EML5: variants seen among roughly 807,000 people sequenced by gnomAD.
EML5 encodes the protein EMAP like 5.
Under a neutral mutation model 250.0 loss-of-function variants are expected in EML5, and 120 were observed. The ratio of observed to expected loss-of-function variants is 0.48; its 90% CI spans 0.41 to 0.56. EML5 has a LOEUF of 0.56. Ranked by LOEUF, EML5 falls within the 20% of genes least tolerant of loss-of-function variation. The pLI is 0.00. For synonymous variants in EML5, 771 were observed against 806.5 expected (o/e 0.96, Z 0.75); for missense variants, 2,006 against 2,437.6 (o/e 0.82, Z 3.73).
intron 1 of EML5, among the ~76,000 whole-genome samples, chr14:88,786,093 G>C (rs1198869506): frequency 6.6e-6 from 1 of 152,104 alleles, no homozygotes; most frequent in Non-Finnish European, 1.5e-5. Context: ...CAGGGCATTT[G>C]CATTTGATAG....
At chr14:88,723,606 C>T (rs1363233936) in intron 8 of EML5, among the ~76,000 whole-genome samples, 1 of 151,954 alleles carries the variant, frequency 6.6e-6, no homozygotes, top group Non-Finnish European at 1.5e-5. Context: ...ATGTTCTCAC[C>T]CCCTAAAGTG....
intron 2 of EML5, among the ~76,000 whole-genome samples, chr14:88,751,787 G>T (rs974618885): frequency 6.6e-6 from 1 of 152,136 alleles, no homozygotes; most frequent in Non-Finnish European, 1.5e-5. Flanking sequence ...AATAATCAGA[G>T]AGGGAGAAAG....
chr14:88,744,062 C>A lies in EML5; in HGVS notation c.486G>T (p.Gln162His). ...RIFDISWDLY[Q>H]PNKLVSCGVK... Reference sequence around the variant, plus strand: ...CACCACAGCTGACAAGTTTATTTGGCTGGTACAAATCCCAAGAAATATCAA... The same window carrying A: ...CACCACAGCTGACAAGTTTATTTGGATGGTACAAATCCCAAGAAATATCAA... Residue 162 changes from glutamine to histidine, a missense_variant, in exon 4 of 44, where the codon CAG (glutamine) becomes CAT (histidine). Around this residue, in one of 7 missense-constraint regions of EML5, gnomAD observed 162 missense variants for 212.2 expected, o/e 0.76. Coordinates refer to ENST00000554922, the MANE Select transcript of EML5 (RefSeq NM_183387.3). 6.4e-7 allele frequency: 1 copy of A among 1,574,762 alleles called. No individual in the cohort carries two copies. Among genetic ancestry groups the A allele is most frequent in the East Asian group, 2.3e-5 (1 of 43,978 alleles).
chr14:88,669,651 G>T (rs975724312), intron 21 of EML5, among the ~76,000 whole-genome samples: 2 of 152,172 alleles, frequency 1.3e-5, no homozygotes, highest in African/African-American at 4.8e-5. Flanking sequence ...AGCAGACTTA[G>T]TCTTTCCCTC....
intron 18 of EML5, among the ~76,000 whole-genome samples, chr14:88,687,585 G>A (rs1326749604): frequency 6.6e-6 from 1 of 151,998 alleles, no homozygotes; most frequent in Non-Finnish European, 1.5e-5. Flanking sequence ...GTAACTATAA[G>A]TTAGATCACC....
chr14:88,705,779 C>T, intron 11 of EML5, 191 bp from the exon 12 acceptor site: 2 of 668,726 alleles, frequency 3.0e-6, no homozygotes, highest in African/African-American at 3.5e-5. Flanking sequence ...TCTCCACTCA[C>T]TGCAAACTCA....
rs906449196 is a variant in EML5 at position 88,675,373 on chromosome 14, C to A, written c.3124+6517G>T. 7.2e-4 allele frequency among the ~76,000 whole-genome samples: 109 copies of A among 152,234 alleles called. 2 individuals carry two copies. Among genetic ancestry groups the A allele is most frequent in the Non-Finnish European group, 2.1e-4 (14 of 68,036 alleles). On this transcript the variant is annotated intron_variant, in intron 21 of 43. Transcript: ENST00000554922. ...TTCTTGACTTCTGTGCACCTGCAGG[C>A]TCAACACCACATGGAAGCTGCCAAG...
At chr14:88,783,799 T>G (rs1188016136) in intron 1 of EML5, among the ~76,000 whole-genome samples, 1 of 152,226 alleles carries the variant, frequency 6.6e-6, no homozygotes, top group Admixed American at 6.5e-5. Flanking sequence ...ATGTGCACTA[T>G]AGACCAAATG....
At chr14:88,650,960 C>A (rs1444905765) in intron 27 of EML5, among the ~76,000 whole-genome samples, 1 of 152,002 alleles carries the variant, frequency 6.6e-6, no homozygotes, top group Non-Finnish European at 1.5e-5. Context: ...ATATAAAGTG[C>A]TTTATTTCAT....
chr14:88,736,003 C>CTT (rs11321542), intron 7 of EML5, among the ~76,000 whole-genome samples: 151 of 122,144 alleles, frequency 1.2e-3, no homozygotes, highest in African/African-American at 4.8e-3. Flanking sequence ...TTTTTTCTTT[C>CTT]TTTTTTTTTT....
intron 22 of EML5, among the ~76,000 whole-genome samples, chr14:88,665,064 T>A (rs1455431698): frequency 1.3e-5 from 2 of 152,108 alleles, no homozygotes; most frequent in Non-Finnish European, 2.9e-5. Context: ...ACGAAAACAG[T>A]TATCCAACCC....
rs2087066325 is a variant in EML5 at position 88,613,148 on chromosome 14, G to T, written c.*2670C>A. 1 of 152,194 alleles carries T rather than the reference G, an allele frequency of 6.6e-6. No homozygotes were observed. Among genetic ancestry groups the T allele is most frequent in the African/African-American group, 2.4e-5 (1 of 41,432 alleles). 9.4% of individuals were successfully genotyped at this position (152,194 alleles called of 1,614,324 possible). ...AATTAACCAGTCATTAAACCATTTG[G>T]TAAGTTGCACTTTGCTGTGCTGATC... On this transcript the variant is annotated 3_prime_UTR_variant, in exon 44 of 44. Coordinates refer to ENST00000554922, the MANE Select transcript of EML5 (RefSeq NM_183387.3).
chr14:88,782,966 C>A (rs1167671155), intron 1 of EML5, among the ~76,000 whole-genome samples: 1 of 152,190 alleles, frequency 6.6e-6, no homozygotes, highest in Middle Eastern at 3.4e-3. Flanking sequence ...GTAGTCCCAG[C>A]TACTCAGGAG....
At chr14:88,726,729 G>A (rs2140087450) in intron 7 of EML5, 51 bp from the exon 8 acceptor site, 1 of 1,348,004 alleles carries the variant, frequency 7.4e-7, no homozygotes, top group Non-Finnish European at 9.9e-7. Context: ...GCATACTTTA[G>A]TAAAAATATT....
chr14:88,628,933 TATA>T (rs1181583799), intron 33 of EML5, among the ~76,000 whole-genome samples: 2 of 152,050 alleles, frequency 1.3e-5, no homozygotes, highest in Non-Finnish European at 2.9e-5. Flanking sequence ...AAGTTTATCA[TATA>T]ATAAAATAGG....
intron 1 of EML5, among the ~76,000 whole-genome samples, chr14:88,764,927 CCT>C (rs2094300730): frequency 6.6e-6 from 1 of 152,058 alleles, no homozygotes; most frequent in Non-Finnish European, 1.5e-5. Context: ...TAATATATAG[CCT>C]ATTTTGGTAA....
chr14:88,757,125 T>C (rs868309938), intron 1 of EML5, among the ~76,000 whole-genome samples: 1 of 152,158 alleles, frequency 6.6e-6, no homozygotes, highest in African/African-American at 2.4e-5. Flanking sequence ...CATAAGGATA[T>C]GCAGATCAAT....
At chr14:88,719,673 CTTT>C (rs1226681790) in intron 8 of EML5, among the ~76,000 whole-genome samples, 1 of 144,372 alleles carries the variant, frequency 6.9e-6, no homozygotes, top group Non-Finnish European at 1.5e-5. Flanking sequence ...ATGATATGAG[CTTT>C]TTTTTTTTTA....
intron 1 of EML5, among the ~76,000 whole-genome samples, chr14:88,786,791 T>C (rs998719864): frequency 6.6e-6 from 1 of 152,212 alleles, no homozygotes; most frequent in African/African-American, 2.4e-5. Flanking sequence ...CCCACCATGA[T>C]TCTGAGGCCT....
Sources: gnomAD v4.1 joint callset for allele counts (sites outside exome capture counted in the v4.1 genomes callset) on GRCh38, gnomAD v4.1.1 for gene constraint, gnomAD v4.1.1 regional missense constraint, MANE v1.5 for transcripts, NCBI Gene and HGNC (gene_info 2026-07-23, HGNC 2026-07-21) for gene names.